Variants in IFT140 observed in about 807,000 individuals in gnomAD.
IFT140 encodes the protein intraflagellar transport protein 140 homolog.
In IFT140, 133 loss-of-function variants were observed where a neutral mutation model predicts 164.6. The ratio of observed to expected loss-of-function variants is 0.81; its 90% CI spans 0.70 to 0.93. IFT140 has a LOEUF of 0.93. Ranked by LOEUF, IFT140 falls within the 40% of genes least tolerant of loss-of-function variation. IFT140 has a pLI of 0.00. For synonymous variants in IFT140, 860 were observed against 817.3 expected (o/e 1.05, Z -0.89); for missense variants, 2,045 against 1,972.3 (o/e 1.04, Z -0.70).
intron 12 of IFT140, among the ~76,000 whole-genome samples, chr16:1,582,742 A>G (rs1031026788): frequency 6.6e-6 from 1 of 152,244 alleles, no homozygotes; most frequent in Non-Finnish European, 1.5e-5. Flanking sequence ...CGTCTCTACT[A>G]AAATATAAAA....
intron 13 of IFT140, among the ~76,000 whole-genome samples, chr16:1,574,574 C>T (rs2034182503): frequency 6.6e-6 from 1 of 152,222 alleles, no homozygotes; most frequent in African/African-American, 2.4e-5. Flanking sequence ...AGCCACCATG[C>T]CCAGCCAAGT....
intron 19 of IFT140, chr16:1,554,771 C>G (rs1444939731): frequency 1.2e-6 from 2 of 1,613,738 alleles, no homozygotes; most frequent in Non-Finnish European, 1.7e-6. Context: ...CAACCCTTCT[C>G]TCATCTGCAG....
chr16:1,526,354 C>T, intron 20 of IFT140: 1 of 587,780 alleles, frequency 1.7e-6, no homozygotes, highest in Non-Finnish European at 3.0e-6. Flanking sequence ...CGTGCTCAGC[C>T]CTGCTGACCT....
rs770059068 is a variant in IFT140 at position 1,519,977 on chromosome 16, G to T, written c.3944C>A (p.Ala1315Asp). 1.2e-6 allele frequency: 2 copies of T among 1,606,532 alleles called. No individual in the cohort carries two copies. The highest frequency in any genetic ancestry group is 1.1e-5 in the South Asian group (1 of 90,210). Residue 1315 changes from alanine to aspartate, a missense_variant, in exon 29 of 31, where the codon GCC becomes GAC. Coordinates refer to ENST00000426508, the MANE Select transcript of IFT140 (RefSeq NM_014714.4). ...CAGGGGGCTCTTGGCCTTGGCCTTG[G>T]CCAGGCACTTGTAGGCCTCGGTCAG... ...GALTEAYKCL[A>D]KAKAKSPLDQ...
rs753414090 is a variant in IFT140, at chr16:1,568,228, G to A, written c.1759C>T (p.Leu587Phe). The change falls in exon 15 of 31, where the codon CTC becomes TTC. Residue 587 changes from leucine to phenylalanine, a missense_variant. Physicochemically the swap from Leu to Phe is conservative, Grantham distance 22. Transcript: ENST00000426508. ...AGGGGTGGCCTCACCTTGCTGGGGA[G>A]GATGCTGATGGTGCTCCCGCTGCTG... ...CSSSGSTISI[L>F]PSKADNSPDS... 2.5e-6 allele frequency: 4 copies of A among 1,602,162 alleles called. No homozygotes were observed. The highest frequency in any genetic ancestry group is 1.7e-4 in the Middle Eastern group (1 of 5,746).
chr16:1,592,652 G>C (rs2035242277), intron 4 of IFT140, 64 bp from the exon 5 acceptor site: 1 of 1,560,978 alleles, frequency 6.4e-7, no homozygotes, highest in Admixed American at 1.8e-5. Flanking sequence ...TGGAGGGACA[G>C]GTGTCCTGGC....
chr16:1,565,549 G>A (rs190584663), intron 16 of IFT140, among the ~76,000 whole-genome samples: 76 of 152,318 alleles, frequency 5.0e-4, no homozygotes, highest in African/African-American at 1.8e-3. Flanking sequence ...GCCCAGCCTT[G>A]TAACTGCTCT....
chr16:1,542,174 C>G (rs1000618234), intron 19 of IFT140: 118 of 1,344,796 alleles, frequency 8.8e-5, no homozygotes, highest in Non-Finnish European at 1.1e-4. Context: ...TGGGGGGAAG[C>G]TGCAGGCCAT....
chr16:1,574,495 G>A (rs1338813720), intron 13 of IFT140, among the ~76,000 whole-genome samples: 1 of 152,100 alleles, frequency 6.6e-6, no homozygotes, highest in Non-Finnish European at 1.5e-5. Flanking sequence ...TGCCCAGGCT[G>A]GTCTGGAACT....
At chr16:1,580,644 C>T in intron 13 of IFT140, 115 bp downstream of exon 13, 1 of 691,382 alleles carries the variant, frequency 1.4e-6, no homozygotes, top group African/African-American at 1.8e-5. Flanking sequence ...GTTCTTTACA[C>T]AGTGTGAGAA....
chr16:1,554,134 C>A, intron 19 of IFT140: 2 of 1,286,966 alleles, frequency 1.6e-6, no homozygotes, highest in Admixed American at 4.6e-5. Context: ...AGGGAAGACA[C>A]CAGATATAGC....
chr16:1,513,743 T>C (rs376883883), intron 30 of IFT140, among the ~76,000 whole-genome samples: 7 of 150,360 alleles, frequency 4.7e-5, no homozygotes, highest in Non-Finnish European at 1.0e-4. Context: ...GTGCGATCTC[T>C]GCTCACTGCA....
At chr16:1,573,472 CTTGTATT>C (rs3837748) in intron 13 of IFT140, among the ~76,000 whole-genome samples, 28,430 of 151,926 alleles carry the variant, frequency 0.19, 3,384 homozygotes, top group African/African-American at 0.33. Context: ...ACCTCCAGAG[CTTGTATT>C]TCCAACTGTC....
chr16:1,587,711 A>C (rs1473376671), intron 8 of IFT140, among the ~76,000 whole-genome samples: 1 of 152,226 alleles, frequency 6.6e-6, no homozygotes, highest in Non-Finnish European at 1.5e-5. Context: ...CCTGGGGGTA[A>C]GGGGAGCCCC....
At chr16:1,567,433 C>A (rs994381923) in intron 15 of IFT140, among the ~76,000 whole-genome samples, 1 of 152,152 alleles carries the variant, frequency 6.6e-6, no homozygotes, top group African/African-American at 2.4e-5. Context: ...CAGTCCTCAC[C>A]CGCTCACTCT....
intron 25 of IFT140, 52 bp downstream of exon 25, chr16:1,523,776 C>G (rs1005404405): frequency 6.2e-7 from 1 of 1,605,976 alleles, no homozygotes; most frequent in East Asian, 2.2e-5. Flanking sequence ...CAGGCAAGGG[C>G]CCCCTGGCTT....
At chr16:1,583,885 C>T (rs757817851) in intron 11 of IFT140, among the ~76,000 whole-genome samples, 3 of 152,126 alleles carry the variant, frequency 2.0e-5, no homozygotes, top group Non-Finnish European at 2.9e-5. Context: ...GCTGGGATTA[C>T]AGGCATACAC....
chr16:1,549,822 G>T (rs2032485576), intron 19 of IFT140, among the ~76,000 whole-genome samples: 1 of 152,180 alleles, frequency 6.6e-6, no homozygotes, highest in African/African-American at 2.4e-5. Flanking sequence ...GACGGTCCCT[G>T]CCTGTTAGGC....
chr16:1,553,900 G>A lies in IFT140; in HGVS notation c.2399+4035C>T. 1 of 1,271,662 alleles carries A rather than the reference G, an allele frequency of 7.9e-7. No homozygotes were observed. The highest frequency in any genetic ancestry group is 1.0e-6 in the Non-Finnish European group (1 of 978,522). 78.8% of individuals were successfully genotyped at this position (1,271,662 alleles called of 1,614,324 possible). On this transcript the variant is annotated intron_variant, in intron 19 of 30. Transcript: ENST00000426508. The surrounding 1 kb of genome is among the most constrained non-coding windows in gnomAD (Gnocchi z 4.4). ...GTCACGAAACCCTGATTTTCCTGTT[G>A]TAAGAACTAAAAAGGTCTTTGGAGC...
Sources: allele counts gnomAD v4.1 joint callset (sites outside exome capture counted in the v4.1 genomes callset), GRCh38; gene constraint gnomAD v4.1.1; non-coding constraint Gnocchi (gnomAD v3.1); transcripts MANE v1.5; gene names NCBI Gene and HGNC (gene_info 2026-07-23, HGNC 2026-07-21).